PCDHA11: variants seen among roughly 807,000 people sequenced by gnomAD.
PCDHA11 encodes the protein protocadherin alpha-11.
PCDHA11 carries 61 observed loss-of-function variants against 70.3 expected under a neutral mutation model. That is an observed-to-expected ratio of 0.87 (90% CI 0.71 to 1.07). PCDHA11 has a LOEUF of 1.07. Among genes scored for constraint, PCDHA11 ranks in the 50% least tolerant of loss-of-function variants. The pLI is 0.00. For missense variants in PCDHA11, 1,324 were observed against 1,237.5 expected, an observed-to-expected ratio of 1.07 and a Z score of -1.05; for synonymous variants, 633 against 555.1, an observed-to-expected ratio of 1.14 and a Z score of -1.97.
chr5:140,969,424 G>A (rs1554231783), intron 1 of PCDHA11: 1 of 1,558,342 alleles, frequency 6.4e-7, no homozygotes, highest in South Asian at 1.2e-5. Context: ...GTCATTAACA[G>A]TGACAAGAGT....
intron 1 of PCDHA11, among the ~76,000 whole-genome samples, chr5:140,911,424 T>C (rs1180624921): frequency 6.6e-6 from 1 of 152,168 alleles, no homozygotes; most frequent in Non-Finnish European, 1.5e-5. Context: ...TAAGAACTTG[T>C]GTCCAATTTC....
intron 1 of PCDHA11, among the ~76,000 whole-genome samples, chr5:140,934,486 A>G (rs1243287097): frequency 6.6e-6 from 1 of 152,124 alleles, no homozygotes; most frequent in East Asian, 1.9e-4. Context: ...AATTATATTC[A>G]CCTCATAAAC....
intron 1 of PCDHA11, chr5:140,876,227 C>T (rs782218758): frequency 2.5e-6 from 4 of 1,613,794 alleles, no homozygotes; most frequent in South Asian, 2.2e-5. Flanking sequence ...GTAGTGTTGT[C>T]TGAAAATGTC....
At chr5:140,919,393 T>C (rs2079115816) in intron 1 of PCDHA11, among the ~76,000 whole-genome samples, 1 of 152,222 alleles carries the variant, frequency 6.6e-6, no homozygotes, top group South Asian at 2.1e-4. Flanking sequence ...GGATGTTGTT[T>C]TCCTAAAAAC....
At chr5:140,890,917 G>C (rs1465334645) in intron 1 of PCDHA11, among the ~76,000 whole-genome samples, 3 of 152,116 alleles carry the variant, frequency 2.0e-5, no homozygotes, top group Non-Finnish European at 4.4e-5. Context: ...AATAATTTGA[G>C]AGTTTCCTTT....
intron 1 of PCDHA11, among the ~76,000 whole-genome samples, chr5:140,946,325 A>G (rs2093929113): frequency 6.6e-6 from 1 of 151,932 alleles, no homozygotes; most frequent in Non-Finnish European, 1.5e-5. Context: ...TGAAAGAGGA[A>G]AGATAACAAG....
rs1476497862 is a variant in PCDHA11 at position 140,947,129 on chromosome 5, T to TAGTAAAATG, written c.2392-31819_2392-31811dup. Among the ~76,000 whole-genome samples the TAGTAAAATG allele has an allele frequency of 1.0e-3, 152 of 151,378 alleles. 1 individual carries two copies. Among genetic ancestry groups the TAGTAAAATG allele is most frequent in the African/African-American group, 3.5e-3 (145 of 41,346 alleles). On this transcript the variant is annotated intron_variant, in intron 1 of 3. Transcript: ENST00000398640. The stretch of plus-strand genomic sequence containing the variant: ...TACGTGTCAATTAAAATAATAAAAA[T>TAGTAAAATG]AGTAAAATGTATAGTTACTTCCACG...
intron 1 of PCDHA11, among the ~76,000 whole-genome samples, chr5:140,964,381 T>C (rs1008874330): frequency 1.3e-5 from 2 of 152,176 alleles, no homozygotes. Flanking sequence ...AGGAGAGTCC[T>C]GGTTTTTCTC....
At chr5:140,957,398 T>A (rs1162675184) in intron 1 of PCDHA11, among the ~76,000 whole-genome samples, 1 of 152,186 alleles carries the variant, frequency 6.6e-6, no homozygotes, top group Non-Finnish European at 1.5e-5. Flanking sequence ...ATTGTCCTAA[T>A]TTATTATTAT....
In PCDHA11 at chr5:141,010,480, A is replaced by C; in HGVS notation, c.*543A>C. The C allele has an allele frequency of 1.4e-6, 1 of 696,098 alleles. No individual in the cohort carries two copies. Among genetic ancestry groups the C allele is most frequent in the Non-Finnish European group, 2.2e-6 (1 of 452,208 alleles). 43.1% of individuals were successfully genotyped at this position (696,098 alleles called of 1,614,324 possible). A position where few individuals can be genotyped will look rare whatever the true frequency, so the allele number is the denominator to read the frequency against. On this transcript the variant is annotated 3_prime_UTR_variant, in exon 4 of 4. Transcript: ENST00000398640. ...TTATCAGTATGGAGGGGAAGTGTAA[A>C]CTTAAAGGGACCAGACTTTCTAAAT...
chr5:140,899,752 A>G lies in PCDHA11; in HGVS notation c.2391+28258A>G, dbSNP rs190521600. On this transcript the variant is annotated intron_variant, in intron 1 of 3. Transcript: ENST00000398640. ...ATTGATTGGAATAGTTTCAGAAGGA[A>G]TGGTACCAGTTCCTCCTTTTACCTC... Among the ~76,000 whole-genome samples the G allele has an allele frequency of 4.0e-4, 61 of 152,320 alleles. No homozygotes were observed. The East Asian group carries it at 8.7e-3, about 22-fold the overall frequency.
At chr5:140,986,954 C>T (rs2097219916) in intron 3 of PCDHA11, among the ~76,000 whole-genome samples, 1 of 152,154 alleles carries the variant, frequency 6.6e-6, no homozygotes, top group African/African-American at 2.4e-5. Context: ...TCGCTCATGC[C>T]TGTAATTCCA....
intron 1 of PCDHA11, chr5:140,966,609 G>A: frequency 1.4e-6 from 1 of 702,876 alleles, no homozygotes; most frequent in Non-Finnish European, 2.1e-6. Flanking sequence ...CCTTGGGAGG[G>A]CCTACGGAGG....
chr5:140,927,611 C>T, intron 1 of PCDHA11: 1 of 1,614,164 alleles, frequency 6.2e-7, no homozygotes, highest in Admixed American at 1.7e-5. Context: ...GTATACCGCA[C>T]CAAGGTTCCA....
chr5:140,934,103 T>C (rs1400037088), intron 1 of PCDHA11, among the ~76,000 whole-genome samples: 1 of 152,148 alleles, frequency 6.6e-6, no homozygotes, highest in Non-Finnish European at 1.5e-5. Context: ...TGCTTTCTAT[T>C]TTATTAATTT....
At chr5:140,906,750 T>C (rs782209238) in intron 1 of PCDHA11, among the ~76,000 whole-genome samples, 2 of 152,216 alleles carry the variant, frequency 1.3e-5, no homozygotes, top group Non-Finnish European at 2.9e-5. Flanking sequence ...ACACAGGGCA[T>C]GGTAATACTA....
intron 1 of PCDHA11, among the ~76,000 whole-genome samples, chr5:140,919,697 A>G (rs1395748776): frequency 1.3e-5 from 2 of 152,188 alleles, no homozygotes; most frequent in Non-Finnish European, 2.9e-5. Flanking sequence ...GATTTATATT[A>G]ACTTAATTCT....
intron 1 of PCDHA11, among the ~76,000 whole-genome samples, chr5:140,890,513 C>T (rs1376774987): frequency 2.0e-5 from 3 of 151,948 alleles, no homozygotes; most frequent in Non-Finnish European, 4.4e-5. Flanking sequence ...GTCTCTATTT[C>T]CTTCCTTTGT....
intron 1 of PCDHA11, among the ~76,000 whole-genome samples, chr5:140,872,108 A>G (rs980071264): frequency 1.3e-5 from 2 of 152,072 alleles, no homozygotes; most frequent in African/African-American, 4.8e-5. Context: ...TGGCTTTCCT[A>G]ACTTCAGGCT....
Sources: allele counts gnomAD v4.1 joint callset (sites outside exome capture counted in the v4.1 genomes callset), GRCh38; gene constraint gnomAD v4.1.1; transcripts MANE v1.5; gene names NCBI Gene and HGNC (gene_info 2026-07-23, HGNC 2026-07-21).